ADCY9: variants seen among roughly 807,000 people sequenced by gnomAD.
ADCY9 encodes the protein adenylate cyclase type 9.
Under a neutral mutation model 101.5 loss-of-function variants are expected in ADCY9, and 50 were observed. The ratio of observed to expected loss-of-function variants is 0.49; its 90% CI spans 0.39 to 0.62. The LOEUF is 0.62. ADCY9 is among the 20% of genes least tolerant of loss of function. ADCY9 has a pLI of 0.00. For missense variants in ADCY9, 1,662 were observed against 1,800.4 expected, an observed-to-expected ratio of 0.92 and a Z score of 1.39; for synonymous variants, 905 against 769.3, an observed-to-expected ratio of 1.18 and a Z score of -2.92.
intron 2 of ADCY9, among the ~76,000 whole-genome samples, chr16:4,058,256 G>A (rs1754077266): frequency 6.6e-6 from 1 of 150,510 alleles, no homozygotes; most frequent in South Asian, 2.1e-4. Flanking sequence ...TTGAGGTCAG[G>A]GGTTCAAAAC....
intron 2 of ADCY9, among the ~76,000 whole-genome samples, chr16:4,052,266 C>T (rs769870149): frequency 9.2e-5 from 14 of 152,194 alleles, no homozygotes; most frequent in Admixed American, 3.9e-4. Context: ...TTGACACAGA[C>T]GGCGCCTGTG....
chr16:3,966,715 G>A lies in ADCY9; in HGVS notation c.3122C>T (p.Ala1041Val), dbSNP rs1422168562. 6.8e-6 allele frequency: 11 copies of A among 1,614,050 alleles called. No homozygotes were observed. The highest frequency in any genetic ancestry group is 1.7e-5 in the Admixed American group (1 of 60,012). Residue 1041 changes from alanine to valine, a missense_variant, in exon 11 of 11, where the codon GCT becomes GTT. Ala to Val is a moderately conservative substitution (Grantham distance 64). Transcript: ENST00000294016. ...LLRNIIPYHV[A>V]EQLKVSQTYS... Reference sequence around the variant, plus strand: ...GGTCTGGGACACCTTCAGCTGCTCAGCCACGTGGTAGGGGATGATGTTCCT... The same window carrying A: ...GGTCTGGGACACCTTCAGCTGCTCAACCACGTGGTAGGGGATGATGTTCCT...
At position 3,966,809 on chromosome 16, in the gene ADCY9, C is replaced by A; in HGVS notation, c.3028G>T (p.Gly1010Ter). ...CGGTGAAGATCCGCTTCCACGTCTCCGTGGTAGTGGAGGCGGTAGCTGACT... is the reference window on the plus strand; with the variant it reads ...CGGTGAAGATCCGCTTCCACGTCTCAGTGGTAGTGGAGGCGGTAGCTGACT... ...FEVSYRLHYHGDVEADLHRTK... is the reference protein window; with the variant it reads ...FEVSYRLHYH Residue 1010 changes from glycine (G) to a stop codon, truncating the protein, a stop_gained, in exon 11 of 11, where the codon GGA becomes TGA. Transcript: ENST00000294016. LOFTEE classifies it high-confidence loss of function. The A allele has an allele frequency of 6.2e-7, 1 of 1,614,194 alleles. No individual in the cohort carries two copies. Among genetic ancestry groups the A allele is most frequent in the Admixed American group, 1.7e-5 (1 of 60,032 alleles).
chr16:3,959,905 A>G (rs2892142), downstream of ADCY9, among the ~76,000 whole-genome samples: 30,494 of 152,008 alleles, frequency 0.2, 3,213 homozygotes, highest in South Asian at 0.36. Context: ...GCATGCCTGT[A>G]ATCCCAGCTA....
At chr16:4,065,610 C>T (rs1397703834) in intron 2 of ADCY9, among the ~76,000 whole-genome samples, 1 of 152,202 alleles carries the variant, frequency 6.6e-6, no homozygotes, top group Non-Finnish European at 1.5e-5. Flanking sequence ...CTCACTCTGT[C>T]ACCCAGGCTG....
In ADCY9 at chr16:4,052,928, T is replaced by C. The variant is rs78022604; in HGVS notation, c.1694-45370A>G. Among the ~76,000 whole-genome samples the C allele has an allele frequency of 3.3e-5, 5 of 152,206 alleles. No individual in the cohort carries two copies. The East Asian group carries it at 9.6e-4, about 29-fold the overall frequency. ...CAAGTTGCTTCTTGACATGAGCGGCTCTTCAAGTGCACGGGGAACAACAGA... is the reference window on the plus strand; with the variant it reads ...CAAGTTGCTTCTTGACATGAGCGGCCCTTCAAGTGCACGGGGAACAACAGA... On this transcript the variant is annotated intron_variant, in intron 2 of 10. Coordinates refer to ENST00000294016, the MANE Select transcript of ADCY9 (RefSeq NM_001116.4).
chr16:4,043,072 A>C (rs1247937345), intron 2 of ADCY9, among the ~76,000 whole-genome samples: 3 of 152,094 alleles, frequency 2.0e-5, no homozygotes, highest in Non-Finnish European at 2.9e-5. Context: ...TCTACTAAAA[A>C]TACAAAAAAT....
chr16:4,115,521 ACC>A lies in ADCY9; in HGVS notation c.-43-38_-43-37del, dbSNP rs1216309122. On this transcript the variant is annotated intron_variant, in intron 1 of 10. Transcript: ENST00000294016. This position sits in a 1 kb window ranked among gnomAD's most constrained non-coding sequence, Gnocchi z 6.2. ...AACGGGGAGAGTTAGCGGCGCTCCCACCTAGGCATGCACGCCTAGAGGCCCGG... is the reference window on the plus strand; with the variant it reads ...AACGGGGAGAGTTAGCGGCGCTCCCATAGGCATGCACGCCTAGAGGCCCGG... The A allele has an allele frequency of 4.2e-6, 6 of 1,444,940 alleles. No homozygotes were observed. The highest frequency in any genetic ancestry group is 2.5e-4 in the Middle Eastern group (1 of 3,952). 89.5% of individuals were successfully genotyped at this position (1,444,940 alleles called of 1,614,324 possible). A position where few individuals can be genotyped will look rare whatever the true frequency, so the allele number is the denominator to read the frequency against.
At chr16:4,050,744 A>C (rs1433644160) in intron 2 of ADCY9, among the ~76,000 whole-genome samples, 2 of 147,890 alleles carry the variant, frequency 1.4e-5, no homozygotes, top group African/African-American at 5.0e-5. Context: ...AAAATTCCTA[A>C]CTACGCTGCT....
At chr16:4,094,638 A>G (rs2056991944) in intron 2 of ADCY9, among the ~76,000 whole-genome samples, 1 of 152,184 alleles carries the variant, frequency 6.6e-6, no homozygotes, top group African/African-American at 2.4e-5. Context: ...AATAAGAAAA[A>G]AAAAAGGGAG....
chr16:4,052,291 C>G (rs2056706675), intron 2 of ADCY9, among the ~76,000 whole-genome samples: 1 of 152,208 alleles, frequency 6.6e-6, no homozygotes, highest in African/African-American at 2.4e-5. Context: ...TGGGCGGGCT[C>G]CGGGGCCTCT....
chr16:3,983,369 C>G lies in ADCY9; in HGVS notation c.2382G>C (p.Ser794=). ...TFSSLLDVFL[S]TTVFLTLSTT... is the part of the protein sequence containing the mutation. ...TGGACAGCGTCAGAAACACTGTGGT[C>G]GACAGAAACACATCCAGGAGGGAGC... Residue 794 remains serine, a synonymous_variant, in exon 7 of 11, where the codon TCG becomes TCC. Transcript: ENST00000294016. 1.2e-6 allele frequency: 2 copies of G among 1,605,854 alleles called. No homozygotes were observed. Among genetic ancestry groups the G allele is most frequent in the Non-Finnish European group, 1.7e-6 (2 of 1,175,956 alleles).
At chr16:3,973,591 C>T (rs985110369) in intron 10 of ADCY9, among the ~76,000 whole-genome samples, 1 of 152,052 alleles carries the variant, frequency 6.6e-6, no homozygotes, top group African/African-American at 2.4e-5. Context: ...CTCAAATTCC[C>T]GGCCTCAAGC....
In ADCY9 at chr16:4,114,025, A is replaced by T. The variant is rs750643399; in HGVS notation, c.1418T>A (p.Ile473Asn). ...IEMGLGMIKA[I>N]EQFCQEKKEM... is the part of the protein sequence containing the mutation. ...CTTCTTCTCCTGGCAGAACTGCTCG[A>T]TGGCCTTGATCATGCCCAGGCCCAT... The change falls in exon 2 of 11, where the codon ATC becomes AAC. Residue 473 changes from isoleucine (I) to asparagine (N), a missense_variant. Physicochemically the swap from Ile to Asn is moderately radical, Grantham distance 149. Coordinates refer to ENST00000294016, the MANE Select transcript of ADCY9 (RefSeq NM_001116.4). The surrounding 1 kb of genome is among the most constrained non-coding windows in gnomAD (Gnocchi z 4.3). 6.2e-7 allele frequency: 1 copy of T among 1,613,854 alleles called. No individual in the cohort carries two copies. Among genetic ancestry groups the T allele is most frequent in the Non-Finnish European group, 8.5e-7 (1 of 1,180,036 alleles).
chr16:3,999,872 C>T (rs1235648145), intron 3 of ADCY9, among the ~76,000 whole-genome samples: 1 of 152,162 alleles, frequency 6.6e-6, no homozygotes. Flanking sequence ...ATATATGGCA[C>T]AAAGCTATAA....
intron 2 of ADCY9, among the ~76,000 whole-genome samples, chr16:4,031,159 A>G (rs1371804008): frequency 6.6e-6 from 1 of 152,184 alleles, no homozygotes; most frequent in Non-Finnish European, 1.5e-5. Context: ...TTGAACATGA[A>G]CTATATATTT....
intron 2 of ADCY9, among the ~76,000 whole-genome samples, chr16:4,023,342 C>T (rs1320547432): frequency 6.6e-6 from 1 of 152,194 alleles, no homozygotes; most frequent in African/African-American, 2.4e-5. Flanking sequence ...CAAAAGCTTC[C>T]TGCAATAGAG....
intron 10 of ADCY9, among the ~76,000 whole-genome samples, chr16:3,969,943 T>A (rs932425774): frequency 2.0e-5 from 3 of 151,976 alleles, no homozygotes; most frequent in East Asian, 3.9e-4. Flanking sequence ...TAGAAAAAAA[T>A]AGACAAAAAA....
intron 2 of ADCY9, among the ~76,000 whole-genome samples, chr16:4,039,021 T>C (rs949579991): frequency 1.3e-5 from 2 of 152,172 alleles, no homozygotes; most frequent in African/African-American, 4.8e-5. Flanking sequence ...ACAACTAAGA[T>C]TTAGAGAATA....
Sources: gnomAD v4.1 joint callset for allele counts (sites outside exome capture counted in the v4.1 genomes callset) on GRCh38, gnomAD v4.1.1 for gene constraint, Gnocchi (gnomAD v3.1) non-coding constraint, MANE v1.5 for transcripts, NCBI Gene and HGNC (gene_info 2026-07-23, HGNC 2026-07-21) for gene names.